SNED1: variants seen among roughly 807,000 people sequenced by gnomAD.
SNED1 encodes the protein sushi, nidogen and EGF-like domain-containing protein 1.
SNED1 carries 81 observed loss-of-function variants against 166.7 expected under a neutral mutation model. That is an observed-to-expected ratio of 0.49 (90% CI 0.41 to 0.58). The LOEUF is 0.58. SNED1 is among the 20% of genes least tolerant of loss of function. The pLI is 0.00. For synonymous variants in SNED1, 762 were observed against 822.0 expected (o/e 0.93, Z 1.25); for missense variants, 1,604 against 2,000.2 (o/e 0.80, Z 3.78).
At chr2:241,026,102 G>A (rs1474829648) in intron 1 of SNED1, among the ~76,000 whole-genome samples, 5 of 127,286 alleles carry the variant, frequency 3.9e-5, no homozygotes, top group Admixed American at 2.1e-4. Context: ...TGCAACCTCC[G>A]CCTCCCGGGT....
At chr2:241,030,632 G>A (rs983507698) in intron 2 of SNED1, 61 bp downstream of exon 2, 24 of 1,529,014 alleles carry the variant, frequency 1.6e-5, no homozygotes, top group South Asian at 2.4e-5. Context: ...GGGTCTCCCC[G>A]CACCAGGGCT....
In SNED1 at chr2:240,999,891, C is replaced by T. The variant is rs140732201; in HGVS notation, c.213+841C>T. 0.015 allele frequency among the ~76,000 whole-genome samples: 2,228 copies of T among 152,260 alleles called. 22 individuals are homozygous for T. Among genetic ancestry groups the T allele is most frequent in the Non-Finnish European group, 0.024 (1,624 of 68,006 alleles). On this transcript the variant is annotated intron_variant, in intron 1 of 31. Coordinates refer to ENST00000310397, the MANE Select transcript of SNED1 (RefSeq NM_001080437.3). This position sits in a 1 kb window ranked among gnomAD's most constrained non-coding sequence, Gnocchi z 5.8. The stretch of plus-strand genomic sequence containing the variant: ...GTACCTGGTGGTTCCCTGAAACACC[C>T]CAGATCATATCTAGAAAACTGCTGG...
intron 4 of SNED1, chr2:241,035,690 C>T (rs1164819477): frequency 6.7e-6 from 1 of 148,858 alleles, no homozygotes; most frequent in African/African-American, 2.5e-5. Context: ...CAGATGCGCG[C>T]GCACCACTGT....
At position 241,040,172 on chromosome 2, in the gene SNED1, A is replaced by G. The variant is rs1310920204; in HGVS notation, c.1143A>G (p.Gly381=). 6.3e-7 allele frequency: 1 copy of G among 1,597,934 alleles called. No individual in the cohort carries two copies. The highest frequency in any genetic ancestry group is 8.5e-7 in the Non-Finnish European group (1 of 1,172,462). The change falls in exon 7 of 32, where the codon GGA becomes GGG. Residue 381 remains glycine (G), a synonymous_variant. Coordinates refer to ENST00000310397, the MANE Select transcript of SNED1 (RefSeq NM_001080437.3). ...GTGTGTGCCAGGCCGGATACACCGGAGCAGCCTGCGAGATGGGTGAGTGGC... is the reference window on the plus strand; with the variant it reads ...GTGTGTGCCAGGCCGGATACACCGGGGCAGCCTGCGAGATGGGTGAGTGGC... ...AVCVCQAGYT[G]AACEMDVDDC... is the part of the protein sequence containing the mutation.
At position 240,999,196 on chromosome 2, in the gene SNED1, T is replaced by A; in HGVS notation, c.213+146T>A. On this transcript the variant is annotated intron_variant, in intron 1 of 31. Transcript: ENST00000310397. This position sits in a 1 kb window ranked among gnomAD's most constrained non-coding sequence, Gnocchi z 5.8. ...GTGGAATGAGGACAGCGCTTCCTCC[T>A]CGGCGGCCAAGGCCGGACAGCGGCC... 1 of 398,968 alleles carries A rather than the reference T, an allele frequency of 2.5e-6. No individual in the cohort carries two copies. Among genetic ancestry groups the A allele is most frequent in the Non-Finnish European group, 3.9e-6 (1 of 254,330 alleles). The allele number at this position is 398,968 out of a possible 1,614,324, so 24.7% of individuals were successfully genotyped here. A position where few individuals can be genotyped will look rare whatever the true frequency, so the allele number is the denominator to read the frequency against.
At chr2:241,053,411 G>A (rs1443330017) in intron 16 of SNED1, 85 bp downstream of exon 16, 10 of 1,390,346 alleles carry the variant, frequency 7.2e-6, no homozygotes, top group Admixed American at 2.3e-5. Flanking sequence ...GGGGCTGCAG[G>A]CCCAAGCCTG....
At chr2:241,082,119 G>A (rs2063356807) in intron 28 of SNED1, among the ~76,000 whole-genome samples, 158 bp from the exon 29 acceptor site, 1 of 152,088 alleles carries the variant, frequency 6.6e-6, no homozygotes, top group Non-Finnish European at 1.5e-5. Context: ...GGCCTTAGAG[G>A]AAGCCAGCTG....
chr2:241,034,200 C>A (rs2061273925), intron 3 of SNED1, among the ~76,000 whole-genome samples: 1 of 152,248 alleles, frequency 6.6e-6, no homozygotes, highest in Non-Finnish European at 1.5e-5. Context: ...GGGACCACAG[C>A]CGGCAGGAAA....
intron 8 of SNED1, among the ~76,000 whole-genome samples, chr2:241,046,298 T>C (rs1360066110): frequency 6.6e-6 from 1 of 152,196 alleles, no homozygotes; most frequent in Non-Finnish European, 1.5e-5. Context: ...GCAATCCCAC[T>C]CCTTGTATTA....
chr2:240,999,565 T>C lies in SNED1; in HGVS notation c.213+515T>C, dbSNP rs893705626. 7.9e-5 allele frequency among the ~76,000 whole-genome samples: 12 copies of C among 152,318 alleles called. 1 individual carries two copies. The South Asian group carries it at 1.2e-3, about 16-fold the overall frequency. On this transcript the variant is annotated intron_variant, in intron 1 of 31. Transcript: ENST00000310397. The surrounding 1 kb of genome is among the most constrained non-coding windows in gnomAD (Gnocchi z 5.8). The stretch of plus-strand genomic sequence containing the variant: ...CCCAGGCGCTCAGGGCAGGGCCTGC[T>C]TCTTCGCTGACCCTCCTAGGCGGGC...
intron 1 of SNED1, among the ~76,000 whole-genome samples, chr2:241,011,253 C>A (rs1241073551): frequency 1.3e-5 from 2 of 150,290 alleles, no homozygotes; most frequent in Non-Finnish European, 3.0e-5. Flanking sequence ...TCCTGGGTCT[C>A]CTGGGGGTGG....
intron 1 of SNED1, among the ~76,000 whole-genome samples, chr2:241,009,564 G>C (rs1254710450): frequency 2.6e-5 from 4 of 152,140 alleles, no homozygotes; most frequent in African/African-American, 9.7e-5. Context: ...CGGGGGCTGG[G>C]GGCATGGCCC....
chr2:241,036,011 T>TGGGGGGGGGAGGTGCGTCACGGGGTGGGG (rs2061348977), intron 4 of SNED1, among the ~76,000 whole-genome samples: 1 of 44,496 alleles, frequency 2.2e-5, no homozygotes, highest in Non-Finnish European at 4.3e-5. Context: ...GGGAGGGGAG[T>TGGGGGGGGGAGGTGCGTCACGGGGTGGGG]GGGGGGTGGA....
rs771134102 is a variant in SNED1, at chr2:241,030,568, C to T, written c.498C>T (p.Ser166=). Residue 166 remains serine, a synonymous_variant, in exon 2 of 32, where the codon TCC becomes TCT. Transcript: ENST00000310397. The part of the protein sequence containing the change: ...RVTFFGGSSS[S]PVNTFQTVLI... ...CCTTCTTTGGAGGCAGTTCCTCATCCCCTGTGAGTCCAGGCACTTGTCCTG... is the reference window on the plus strand; with the variant it reads ...CCTTCTTTGGAGGCAGTTCCTCATCTCCTGTGAGTCCAGGCACTTGTCCTG... 2.5e-6 allele frequency: 4 copies of T among 1,613,432 alleles called. No individual in the cohort carries two copies. Among genetic ancestry groups the T allele is most frequent in the Non-Finnish European group, 2.5e-6 (3 of 1,179,616 alleles).
rs974252607 is a variant in SNED1, at chr2:241,012,827, T to C, written c.213+13777T>C. On this transcript the variant is annotated intron_variant, in intron 1 of 31. Transcript: ENST00000310397. ...AGGCAGTACTGTGTTTTTTTTTTCT[T>C]TTTTTTTTTTTTTTGTTGTTGTTTT... 1.3e-4 allele frequency among the ~76,000 whole-genome samples: 6 copies of C among 47,452 alleles called. No homozygotes were observed. In the African/African-American group the frequency reaches 1.3e-3, roughly 11 times the overall value. The allele number at this position is 47,452 out of a possible 152,430, so 31.1% of individuals were successfully genotyped here.
intron 1 of SNED1, among the ~76,000 whole-genome samples, chr2:241,025,849 A>G (rs1350459831): frequency 1.3e-5 from 2 of 152,040 alleles, no homozygotes; most frequent in East Asian, 1.9e-4. Context: ...TCTACTTGCA[A>G]TGCCCCTAAT....
chr2:241,070,908 G>A (rs1256053162), intron 24 of SNED1, among the ~76,000 whole-genome samples: 1 of 152,226 alleles, frequency 6.6e-6, no homozygotes, highest in African/African-American at 2.4e-5. Context: ...AGAGGGCTCT[G>A]ACCCCAGGCT....
At chr2:241,020,056 G>T (rs1274886401) in intron 1 of SNED1, among the ~76,000 whole-genome samples, 7 of 152,200 alleles carry the variant, frequency 4.6e-5, no homozygotes, top group Non-Finnish European at 1.5e-5. Flanking sequence ...GTTTGTGTAT[G>T]ACCTGTGAAC....
At chr2:241,078,118 C>T (rs1007854328) in intron 27 of SNED1, among the ~76,000 whole-genome samples, 2 of 152,182 alleles carry the variant, frequency 1.3e-5, no homozygotes, top group Non-Finnish European at 1.5e-5. Flanking sequence ...GGCGCGGTGG[C>T]TCACGCCTGT....
Sources: gnomAD v4.1 joint callset for allele counts (sites outside exome capture counted in the v4.1 genomes callset) on GRCh38, gnomAD v4.1.1 for gene constraint, Gnocchi (gnomAD v3.1) non-coding constraint, MANE v1.5 for transcripts, NCBI Gene and HGNC (gene_info 2026-07-23, HGNC 2026-07-21) for gene names.